The following DMGDH variants were observed in gnomAD, a reference collection of about 807,000 sequenced individuals.
DMGDH encodes dimethylglycine dehydrogenase, also known as dimethylglycine dehydrogenase, mitochondrial.
DMGDH carries 76 observed loss-of-function variants against 95.2 expected under a neutral mutation model. The observed-to-expected ratio is 0.80, with a 90% CI of 0.66 to 0.97. The LOEUF (loss-of-function observed/expected upper bound fraction) is 0.97, where lower values mean the gene tolerates loss of function less well. Among genes scored for constraint, DMGDH ranks in the 50% least tolerant of loss-of-function variants. DMGDH has a pLI of 0.00. For missense variants in DMGDH, 987 were observed against 1,055.0 expected (o/e 0.94, Z 0.89); for synonymous variants, 345 against 377.6 (o/e 0.91, Z 1.00).
rs531584003 is a variant in DMGDH, at chr5:79,024,749, T to G, written c.2191-419A>C. Reference sequence around the variant, plus strand: ...GGTAAGGTGGAGGGAAAGCAGATAGTAGGAAGGTGGCTGATAGAGTTCAGG... The same window carrying G: ...GGTAAGGTGGAGGGAAAGCAGATAGGAGGAAGGTGGCTGATAGAGTTCAGG... On this transcript the variant is annotated intron_variant, in intron 13 of 15. Transcript: ENST00000255189. Among the ~76,000 whole-genome samples the G allele has an allele frequency of 1.8e-4, 28 of 151,814 alleles. No homozygotes were observed. The South Asian group carries it at 5.6e-3, about 31-fold the overall frequency.
In DMGDH at chr5:79,001,106, G is replaced by A. The variant is rs61738935; in HGVS notation, c.2386-2809C>T. On this transcript the variant is annotated intron_variant, in intron 15 of 15. Transcript: ENST00000255189. The stretch of plus-strand genomic sequence containing the variant: ...CATCCTGCCTTTGGTTACTCCCTGC[G>A]TCCCCCTCAGCCATGTAGCCCTGGA... The A allele has an allele frequency of 0.016, 9,844 of 614,802 alleles. 706 individuals carry two copies. In the African/African-American group the frequency reaches 0.16, roughly 10 times the overall value. The allele number at this position is 614,802 out of a possible 1,614,324, so 38.1% of individuals were successfully genotyped here.
chr5:79,051,555 A>G, intron 4 of DMGDH, 64 bp from the exon 5 acceptor site: 1 of 1,440,332 alleles, frequency 6.9e-7, no homozygotes, highest in East Asian at 2.4e-5. Flanking sequence ...GTAAAAATAT[A>G]TCCTGCTAGT....
At chr5:79,069,444 C>CA (rs1755482650) in intron 1 of DMGDH, 76 bp downstream of exon 1, 1 of 902,376 alleles carries the variant, frequency 1.1e-6, no homozygotes, top group Non-Finnish European at 1.5e-6. Flanking sequence ...CTCCTAACCC[C>CA]TGAGCCTGCC....
At chr5:79,024,545 A>T (rs1485973283) in intron 13 of DMGDH, among the ~76,000 whole-genome samples, 1 of 152,288 alleles carries the variant, frequency 6.6e-6, no homozygotes, top group Admixed American at 6.5e-5. Flanking sequence ...TAACAAATAT[A>T]GAAACTAAAA....
chr5:79,066,529 C>A (rs545503762), intron 1 of DMGDH, among the ~76,000 whole-genome samples: 5 of 151,286 alleles, frequency 3.3e-5, no homozygotes, highest in African/African-American at 9.7e-5. Context: ...CTCCTGACCT[C>A]GTGATCCGCC....
intron 14 of DMGDH, chr5:79,021,556 A>T (rs1301220356): frequency 7.7e-7 from 1 of 1,291,204 alleles, no homozygotes; most frequent in Non-Finnish European, 1.0e-6. Flanking sequence ...TCAGTACTCC[A>T]TTGTTCTTTT....
intron 14 of DMGDH, among the ~76,000 whole-genome samples, chr5:79,019,714 G>A (rs1399922092): frequency 9.9e-5 from 15 of 152,164 alleles, no homozygotes; most frequent in Admixed American, 9.2e-4. Flanking sequence ...GTGAAACCTC[G>A]TCTCTACTAA....
intron 5 of DMGDH, among the ~76,000 whole-genome samples, chr5:79,045,211 A>G (rs1754637192): frequency 6.6e-6 from 1 of 152,218 alleles, no homozygotes; most frequent in African/African-American, 2.4e-5. Context: ...TAAAGGCACA[A>G]AAGCACCAGA....
At chr5:79,033,108 A>T (rs1754237404) in intron 8 of DMGDH, 131 bp downstream of exon 8, 1 of 1,156,058 alleles carries the variant, frequency 8.7e-7, no homozygotes, top group Admixed American at 1.9e-5. Context: ...GTTATGTCTC[A>T]GGGGCACAAT....
In DMGDH at chr5:79,055,847, A is replaced by T. The variant is rs1755015167; in HGVS notation, c.338T>A (p.Ile113Asn). ...TTCTTCCAGTTTCTCATAAAGTTTG[A>T]TGCTATCATAATGTATTTTCTTCAA... ...INLKKIHYDS[I>N]KLYEKLEEET... The change falls in exon 3 of 16, where the codon ATC (isoleucine) becomes AAC (asparagine). Residue 113 changes from isoleucine to asparagine, a missense_variant. Physicochemically the swap from Ile to Asn is moderately radical, Grantham distance 149 (BLOSUM62 -3). Coordinates refer to ENST00000255189, the MANE Select transcript of DMGDH (RefSeq NM_013391.3). 1 of 1,612,306 alleles carries T rather than the reference A, an allele frequency of 6.2e-7. No individual in the cohort carries two copies. Among genetic ancestry groups the T allele is most frequent in the Non-Finnish European group, 8.5e-7 (1 of 1,178,516 alleles).
chr5:79,005,529 A>G, intron 14 of DMGDH, 122 bp from the exon 15 acceptor site: 1 of 1,338,314 alleles, frequency 7.5e-7, no homozygotes, highest in South Asian at 1.3e-5. Context: ...ATAAAAATAC[A>G]GATCGGATCA....
At chr5:79,048,395 AC>A (rs1426748962) in intron 5 of DMGDH, among the ~76,000 whole-genome samples, 1 of 152,030 alleles carries the variant, frequency 6.6e-6, no homozygotes, top group Non-Finnish European at 1.5e-5. Flanking sequence ...TTTTATGGAT[AC>A]CCTGCAGACC....
At chr5:79,005,941 G>C (rs1753539578) in intron 14 of DMGDH, among the ~76,000 whole-genome samples, 3 of 151,692 alleles carry the variant, frequency 2.0e-5, no homozygotes, top group Non-Finnish European at 4.4e-5. Flanking sequence ...ACCATTTATT[G>C]AGCCCCTACT....
chr5:79,063,198 G>C (rs1224843274), intron 2 of DMGDH, among the ~76,000 whole-genome samples: 1 of 152,074 alleles, frequency 6.6e-6, no homozygotes, highest in Non-Finnish European at 1.5e-5. Context: ...CCATATCCAG[G>C]CTCACCCAGA....
intron 14 of DMGDH, among the ~76,000 whole-genome samples, chr5:79,017,015 A>G (rs1753746077): frequency 6.6e-6 from 1 of 152,212 alleles, no homozygotes; most frequent in South Asian, 2.1e-4. Flanking sequence ...ACTTCAGTCC[A>G]TACCTCATAC....
At chr5:79,053,614 A>T (rs1215716859) in intron 4 of DMGDH, among the ~76,000 whole-genome samples, 1 of 152,230 alleles carries the variant, frequency 6.6e-6, no homozygotes, top group Non-Finnish European at 1.5e-5. Flanking sequence ...AGTAAGTGTT[A>T]GCCATTGTTA....
At chr5:79,035,611 T>C (rs705418) in intron 7 of DMGDH, among the ~76,000 whole-genome samples, 79,463 of 151,820 alleles carry the variant, frequency 0.52, 21,181 homozygotes, top group African/African-American at 0.62. Flanking sequence ...TTGACAGACT[T>C]CCAGGGCAGA....
chr5:78,998,056 T>C lies in DMGDH; in HGVS notation c.*26A>G. 1 of 1,612,142 alleles carries C rather than the reference T, an allele frequency of 6.2e-7. No homozygotes were observed. Among genetic ancestry groups the C allele is most frequent in the Non-Finnish European group, 8.5e-7 (1 of 1,178,168 alleles). On this transcript the variant is annotated 3_prime_UTR_variant, in exon 16 of 16. Coordinates refer to ENST00000255189, the MANE Select transcript of DMGDH (RefSeq NM_013391.3). ...CAAGGACAGTCATTAGCAACTCTAATTCAGTTGACTGCTGAAGGTCTTTTT... is the reference window on the plus strand; with the variant it reads ...CAAGGACAGTCATTAGCAACTCTAACTCAGTTGACTGCTGAAGGTCTTTTT...
At chr5:78,998,363 G>GA (rs1303705720) in intron 15 of DMGDH, 66 bp from the exon 16 acceptor site, 73 of 1,461,044 alleles carry the variant, frequency 5.0e-5, no homozygotes, top group Admixed American at 2.3e-4. Flanking sequence ...ATCTCTGGGT[G>GA]AAAAAAAACT....
Sources: gnomAD v4.1 joint callset for allele counts (sites outside exome capture counted in the v4.1 genomes callset) on GRCh38, gnomAD v4.1.1 for gene constraint, MANE v1.5 for transcripts, NCBI Gene and HGNC (gene_info 2026-07-23, HGNC 2026-07-21) for gene names.